Variants in CDH13 observed in about 807,000 individuals in gnomAD.
CDH13 encodes the protein cadherin-13.
A neutral mutation model predicts 63.8 loss-of-function variants in CDH13; 24 were observed. The ratio of observed to expected loss-of-function variants is 0.38; its 90% CI spans 0.27 to 0.53. The LOEUF is 0.53. CDH13 is among the 20% of genes least tolerant of loss of function. The probability of loss-of-function intolerance (pLI) is 0.85; values close to 1 mark genes in which losing one functional copy is unlikely to be tolerated. For missense variants in CDH13, 1,049 were observed against 903.1 expected (o/e 1.16, Z -2.07); for synonymous variants, 503 against 355.3 (o/e 1.42, Z -4.67).
At chr16:83,514,520 C>T (rs1284612863) in intron 7 of CDH13, among the ~76,000 whole-genome samples, 1 of 152,170 alleles carries the variant, frequency 6.6e-6, no homozygotes. Context: ...TGGTGCTCAC[C>T]TGCAGTCTAA....
At chr16:83,719,732 C>T (rs1213080864) in intron 10 of CDH13, among the ~76,000 whole-genome samples, 1 of 152,164 alleles carries the variant, frequency 6.6e-6, no homozygotes, top group African/African-American at 2.4e-5. Flanking sequence ...GCCATGTCCT[C>T]AGATACCATT....
At position 83,258,805 on chromosome 16, in the gene CDH13, C is replaced by T. The variant is rs867151071; in HGVS notation, c.636+41308C>T. ...GTTAATGGCACAGAGCACATCGTGACGCTATAAATAACAGGCACGTGACCA... is the reference window on the plus strand; with the variant it reads ...GTTAATGGCACAGAGCACATCGTGATGCTATAAATAACAGGCACGTGACCA... On this transcript the variant is annotated intron_variant, in intron 5 of 13. Coordinates refer to ENST00000567109, the MANE Select transcript of CDH13 (RefSeq NM_001257.5). Among the ~76,000 whole-genome samples the T allele has an allele frequency of 6.6e-5, 10 of 152,266 alleles. No individual in the cohort carries two copies. In the South Asian group the frequency reaches 8.3e-4, roughly 13 times the overall value.
chr16:82,847,670 A>G (rs2039317883), intron 1 of CDH13, among the ~76,000 whole-genome samples: 1 of 152,058 alleles, frequency 6.6e-6, no homozygotes, highest in African/African-American at 2.4e-5. Context: ...GGTCCTGGGG[A>G]GTAGGGTGAG....
intron 7 of CDH13, among the ~76,000 whole-genome samples, chr16:83,513,998 C>T (rs2074638444): frequency 6.6e-6 from 1 of 152,086 alleles, no homozygotes. Flanking sequence ...GTTAAAAGTT[C>T]ATCATCAGGA....
chr16:83,468,067 C>G (rs879931914), intron 6 of CDH13, among the ~76,000 whole-genome samples: 11 of 152,204 alleles, frequency 7.2e-5, no homozygotes, highest in Admixed American at 6.5e-5. Context: ...TCTCTTGCTT[C>G]CATGCCCTTT....
chr16:83,034,952 C>T lies in CDH13; in HGVS notation c.366+2734C>T, dbSNP rs572903100. On this transcript the variant is annotated intron_variant, in intron 3 of 13. Transcript: ENST00000567109. ...TTGTTTTTGCTTCTTATAAAGGGGG[C>T]GGAGGCTGCCGTGTCCTTCAGTTTG... 3.0e-4 allele frequency among the ~76,000 whole-genome samples: 45 copies of T among 152,132 alleles called. No individual in the cohort carries two copies. The South Asian group carries it at 8.5e-3, about 29-fold the overall frequency.
At chr16:82,761,674 T>G (rs969793413) in intron 1 of CDH13, among the ~76,000 whole-genome samples, 1 of 152,242 alleles carries the variant, frequency 6.6e-6, no homozygotes, top group Non-Finnish European at 1.5e-5. Context: ...ATTTTTCACT[T>G]GTTTCATATC....
At chr16:83,761,947 G>T (rs905513911) in intron 11 of CDH13, among the ~76,000 whole-genome samples, 1 of 152,026 alleles carries the variant, frequency 6.6e-6, no homozygotes, top group African/African-American at 2.4e-5. Flanking sequence ...CATGCCTGTA[G>T]TCCCAGCTAC....
At chr16:83,114,841 T>C (rs1311036879) in intron 3 of CDH13, among the ~76,000 whole-genome samples, 1 of 152,212 alleles carries the variant, frequency 6.6e-6, no homozygotes, top group African/African-American at 2.4e-5. Flanking sequence ...TGTGTTTGAT[T>C]GCATACAAAA....
rs74032097 is a variant in CDH13 at position 83,445,879 on chromosome 16, A to G, written c.782-40598A>G. ...CTGAAGTAGGAGGAAGATGATTCCT[A>G]CAAACCACGCCGAACAACAGACAGT... On this transcript the variant is annotated intron_variant, in intron 6 of 13. Transcript: ENST00000567109. Among the ~76,000 whole-genome samples the G allele has an allele frequency of 1.7e-3, 263 of 152,330 alleles. 1 individual carries two copies. Among genetic ancestry groups the G allele is most frequent in the African/African-American group, 6.0e-3 (248 of 41,580 alleles).
At chr16:82,916,026 TA>T (rs2041976734) in intron 2 of CDH13, among the ~76,000 whole-genome samples, 2 of 152,090 alleles carry the variant, frequency 1.3e-5, no homozygotes, top group Admixed American at 1.3e-4. Context: ...TACTTTAAAA[TA>T]ATTCATATTT....
intron 5 of CDH13, among the ~76,000 whole-genome samples, chr16:83,297,062 T>C (rs1471066888): frequency 6.6e-6 from 1 of 152,086 alleles, no homozygotes; most frequent in Non-Finnish European, 1.5e-5. Flanking sequence ...GTGGATCTAT[T>C]TTCATTTTAA....
At chr16:82,898,461 G>A (rs1432927321) in intron 2 of CDH13, among the ~76,000 whole-genome samples, 2 of 152,216 alleles carry the variant, frequency 1.3e-5, no homozygotes, top group African/African-American at 4.8e-5. Context: ...GGAGGCAGAG[G>A]TTGCAGTGAG....
At chr16:83,179,792 G>C (rs2038275437) in intron 4 of CDH13, among the ~76,000 whole-genome samples, 1 of 151,964 alleles carries the variant, frequency 6.6e-6, no homozygotes, top group Non-Finnish European at 1.5e-5. Flanking sequence ...CTAGATTTAG[G>C]ATAAAATACA....
chr16:82,792,445 A>T lies in CDH13; in HGVS notation c.46-65917A>T, dbSNP rs556003718. ...ATCAATTCATTACCCAGAAATATGT[A>T]TCTGCATGTGTGCAAGTCCCAATAC... On this transcript the variant is annotated intron_variant, in intron 1 of 13. Transcript: ENST00000567109. Among the ~76,000 whole-genome samples the T allele has an allele frequency of 2.6e-5, 4 of 152,352 alleles. No individual in the cohort carries two copies. In the South Asian group the frequency reaches 8.3e-4, roughly 32 times the overall value.
intron 6 of CDH13, among the ~76,000 whole-genome samples, chr16:83,445,500 G>T (rs2072660950): frequency 6.6e-6 from 1 of 152,130 alleles, no homozygotes; most frequent in Admixed American, 6.6e-5. Flanking sequence ...GCTGCAGGGT[G>T]GAGGAAGCCA....
At chr16:83,055,141 A>C (rs2030784513) in intron 3 of CDH13, among the ~76,000 whole-genome samples, 1 of 152,132 alleles carries the variant, frequency 6.6e-6, no homozygotes, top group Non-Finnish European at 1.5e-5. Context: ...TGAATGGAAT[A>C]TAATGGAAAT....
At chr16:83,522,791 G>A (rs2074871086) in intron 7 of CDH13, among the ~76,000 whole-genome samples, 1 of 152,042 alleles carries the variant, frequency 6.6e-6, no homozygotes, top group Non-Finnish European at 1.5e-5. Context: ...ATTCTCCTGG[G>A]GCTTATTACA....
intron 4 of CDH13, among the ~76,000 whole-genome samples, chr16:83,191,125 TTTG>T (rs1040456902): frequency 2.0e-5 from 3 of 150,336 alleles, no homozygotes; most frequent in Non-Finnish European, 1.5e-5. Flanking sequence ...TGGTGAAGTT[TTTG>T]TTGTTGTTAT....
Sources: gnomAD v4.1 joint callset for allele counts (sites outside exome capture counted in the v4.1 genomes callset) on GRCh38, gnomAD v4.1.1 for gene constraint, MANE v1.5 for transcripts, NCBI Gene and HGNC (gene_info 2026-07-23, HGNC 2026-07-21) for gene names.